The following EPM2A variants were observed in gnomAD, a reference collection of about 807,000 sequenced individuals.
The protein encoded by EPM2A is laforin.
A neutral mutation model predicts 26.5 loss-of-function variants in EPM2A; 21 were observed. The ratio of observed to expected loss-of-function variants is 0.79; its 90% CI spans 0.56 to 1.14. The LOEUF (loss-of-function observed/expected upper bound fraction) is 1.14. EPM2A is among the 50% of genes most tolerant of loss of function. The pLI is 0.00. For missense variants in EPM2A, 458 were observed against 440.8 expected, an observed-to-expected ratio of 1.04 and a Z score of -0.35; for synonymous variants, 217 against 177.6, an observed-to-expected ratio of 1.22 and a Z score of -1.76.
At chr6:145,483,062 G>A (rs1164038708) in intron 4 of EPM2A, among the ~76,000 whole-genome samples, 3 of 152,008 alleles carry the variant, frequency 2.0e-5, no homozygotes, top group Admixed American at 2.0e-4. Flanking sequence ...CACTGGCACA[G>A]TATTGACACG....
intron 4 of EPM2A, among the ~76,000 whole-genome samples, chr6:145,488,413 G>T (rs147700995): frequency 6.6e-6 from 1 of 151,302 alleles, no homozygotes; most frequent in South Asian, 2.1e-4. Flanking sequence ...GGGCTGTATG[G>T]CTGTTTTAAC....
At chr6:145,415,476 T>G (rs1247341851) in intron 4 of EPM2A, among the ~76,000 whole-genome samples, 2 of 152,222 alleles carry the variant, frequency 1.3e-5, no homozygotes, top group African/African-American at 4.8e-5. Context: ...TGAATTTAGA[T>G]TTTGCACATA....
chr6:145,465,961 T>G (rs1429753893), intron 4 of EPM2A, among the ~76,000 whole-genome samples: 1 of 152,084 alleles, frequency 6.6e-6, no homozygotes, highest in Non-Finnish European at 1.5e-5. Flanking sequence ...CTGGATCCCT[T>G]CCTTACCCCT....
At chr6:145,548,147 G>A (rs1416674868) in intron 2 of EPM2A, among the ~76,000 whole-genome samples, 1 of 152,030 alleles carries the variant, frequency 6.6e-6, no homozygotes, top group Non-Finnish European at 1.5e-5. Flanking sequence ...TCTCCATGTG[G>A]AGCTGGAATG....
At chr6:145,496,999 A>G (rs1285589380), downstream of EPM2A, among the ~76,000 whole-genome samples, 3 of 152,090 alleles carry the variant, frequency 2.0e-5, no homozygotes, top group Non-Finnish European at 2.9e-5. Flanking sequence ...ATTGAGTTAG[A>G]ATGTGCTCCT....
rs6932332 is a variant in EPM2A, at chr6:145,527,465, C to T, written c.341-24890G>A. On this transcript the variant is annotated intron_variant, in intron 2 of 3. Transcript: ENST00000450221. ...GAAGTACTTGTTTTATGAATCTGCCCGCTCCAACATTGGGTGCATATACAT... is the reference window on the plus strand; with the variant it reads ...GAAGTACTTGTTTTATGAATCTGCCTGCTCCAACATTGGGTGCATATACAT... Among the ~76,000 whole-genome samples, 1,187 of 152,090 alleles carry T rather than the reference C, an allele frequency of 7.8e-3. 16 individuals carry two copies. The highest frequency in any genetic ancestry group is 0.027 in the African/African-American group (1,114 of 41,510).
In EPM2A at chr6:145,570,952, G is replaced by C. The variant is rs1195990971; in HGVS notation, c.340+64293C>G. Among the ~76,000 whole-genome samples, 8 of 152,180 alleles carry C rather than the reference G, an allele frequency of 5.3e-5. No homozygotes were observed. The East Asian group carries it at 5.8e-4, about 11-fold the overall frequency. ...CCCTGTTGACTTAAAGGTAGGAGGAGACCAAAGTGTCCAGGTGGCAATCAT... is the reference window on the plus strand; with the variant it reads ...CCCTGTTGACTTAAAGGTAGGAGGACACCAAAGTGTCCAGGTGGCAATCAT... On this transcript the variant is annotated intron_variant, in intron 2 of 3. Transcript: ENST00000450221.
intron 2 of EPM2A, among the ~76,000 whole-genome samples, chr6:145,572,878 G>T (rs1205171801): frequency 2.6e-5 from 4 of 152,208 alleles, no homozygotes; most frequent in African/African-American, 9.6e-5. Context: ...GGCTGGAGTA[G>T]CACACTCAAA....
intron 1 of EPM2A, among the ~76,000 whole-genome samples, chr6:145,729,574 G>A (rs558811700): frequency 6.6e-6 from 1 of 152,160 alleles, no homozygotes; most frequent in Non-Finnish European, 1.5e-5. Flanking sequence ...TAACCCCTTT[G>A]TTTTGACTAA....
At chr6:145,424,132 C>T (rs1443500614) in intron 4 of EPM2A, among the ~76,000 whole-genome samples, 5 of 152,194 alleles carry the variant, frequency 3.3e-5, no homozygotes, top group Non-Finnish European at 7.3e-5. Context: ...TCGACCAGTC[C>T]GACCACACTT....
rs117725027 is a variant in EPM2A at position 145,688,010 on chromosome 6, A to G, written c.302-1714T>C. ...CACACAGAGATACATGCGTACAGTA[A>G]TACTATTTTAATAGAAAATACTGTA... On this transcript the variant is annotated intron_variant, in intron 1 of 3. Coordinates refer to ENST00000367519, the MANE Select transcript of EPM2A (RefSeq NM_005670.4). Among the ~76,000 whole-genome samples, 625 of 152,340 alleles carry G rather than the reference A, an allele frequency of 4.1e-3. 17 individuals carry two copies. In the East Asian group the frequency reaches 0.07, roughly 17 times the overall value.
In EPM2A at chr6:145,596,866, C is replaced by G. The variant is rs183666797; in HGVS notation, c.340+38379G>C. Among the ~76,000 whole-genome samples, 6 of 147,782 alleles carry G rather than the reference C, an allele frequency of 4.1e-5. No homozygotes were observed. The East Asian group carries it at 8.1e-4, about 20-fold the overall frequency. On this transcript the variant is annotated intron_variant, in intron 2 of 3. Transcript: ENST00000450221. Reference sequence around the variant, plus strand: ...TACTTTCTTCTACGTTGTATATGCTCTCTCCGAGATCTTTTTTTTTTTTTT... The same window carrying G: ...TACTTTCTTCTACGTTGTATATGCTGTCTCCGAGATCTTTTTTTTTTTTTT...
intron 2 of EPM2A, among the ~76,000 whole-genome samples, chr6:145,676,480 A>C (rs1780050357): frequency 6.6e-6 from 1 of 152,202 alleles, no homozygotes. Context: ...AAAATCAATG[A>C]ATCCAGGAGC....
At chr6:145,435,653 T>C (rs898360672) in intron 4 of EPM2A, among the ~76,000 whole-genome samples, 1 of 151,980 alleles carries the variant, frequency 6.6e-6, no homozygotes, top group Non-Finnish European at 1.5e-5. Context: ...CAGTCTCAGG[T>C]ATTTCTGTAT....
In EPM2A at chr6:145,427,767, T is replaced by C. The variant is rs1482713451; in HGVS notation, c.556-43670A>G. Among the ~76,000 whole-genome samples the C allele has an allele frequency of 2.0e-5, 3 of 152,332 alleles. No homozygotes were observed. The East Asian group carries it at 5.8e-4, about 29-fold the overall frequency. ...TGTAACATGTCTCTTTGTTCTCTTC[T>C]ATTCAAAGCTTTTCATTTGAATATT... On this transcript the variant is annotated intron_variant, in intron 4 of 4. Transcript: ENST00000638717.
At chr6:145,386,455 T>C (rs1429918093) in intron 4 of EPM2A, among the ~76,000 whole-genome samples, 2 of 152,128 alleles carry the variant, frequency 1.3e-5, no homozygotes, top group African/African-American at 4.8e-5. Flanking sequence ...TCATTTTAAA[T>C]AGTTCCAAGA....
rs1338234700 is a variant in EPM2A, at chr6:145,732,432, A to C, written c.301+2766T>G. Among the ~76,000 whole-genome samples, 4 of 150,088 alleles carry C rather than the reference A, an allele frequency of 2.7e-5. No homozygotes were observed. The East Asian group carries it at 5.8e-4, about 22-fold the overall frequency. On this transcript the variant is annotated intron_variant, in intron 1 of 3. Transcript: ENST00000367519. ...CACACATATATATATATATATATAT[A>C]TCAGAAAGCCATATATTAGTGAAAA... is the stretch of plus-strand genomic sequence containing the variant.
At chr6:145,718,254 C>G (rs1229836237) in intron 1 of EPM2A, among the ~76,000 whole-genome samples, 15 of 150,302 alleles carry the variant, frequency 1.0e-4, no homozygotes, top group Non-Finnish European at 1.5e-5. Context: ...CAGCATGGTA[C>G]TGGTACCAAA....
intron 4 of EPM2A, among the ~76,000 whole-genome samples, chr6:145,455,418 C>G (rs1467406937): frequency 6.6e-6 from 1 of 152,198 alleles, no homozygotes; most frequent in East Asian, 1.9e-4. Flanking sequence ...AGTACAGTGG[C>G]GGGATCTTGC....
Sources: gnomAD v4.1 joint callset for allele counts (sites outside exome capture counted in the v4.1 genomes callset) on GRCh38, gnomAD v4.1.1 for gene constraint, MANE v1.5 for transcripts, NCBI Gene and HGNC (gene_info 2026-07-23, HGNC 2026-07-21) for gene names.